PRKCQ: variants seen among roughly 807,000 people sequenced by gnomAD.
PRKCQ encodes the protein protein kinase C theta.
PRKCQ carries 41 observed loss-of-function variants against 91.2 expected under a neutral mutation model. The ratio of observed to expected loss-of-function variants is 0.45; its 90% CI spans 0.35 to 0.58. The LOEUF (loss-of-function observed/expected upper bound fraction) is 0.58, where lower values mean the gene tolerates loss of function less well. Among genes scored for constraint, PRKCQ ranks in the 20% least tolerant of loss-of-function variants. The pLI is 0.00. For synonymous variants in PRKCQ, 307 were observed against 316.9 expected, an observed-to-expected ratio of 0.97 and a Z score of 0.33; for missense variants, 673 against 896.5, an observed-to-expected ratio of 0.75 and a Z score of 3.18.
At chr10:6,486,507 G>A (rs1433394876) in intron 8 of PRKCQ, among the ~76,000 whole-genome samples, 1 of 152,212 alleles carries the variant, frequency 6.6e-6, no homozygotes, top group South Asian at 2.1e-4. Context: ...TAATTTGCAT[G>A]TAGTTAAAAG....
chr10:6,560,215 G>A (rs966826995), intron 1 of PRKCQ, among the ~76,000 whole-genome samples: 5 of 152,182 alleles, frequency 3.3e-5, no homozygotes, highest in Non-Finnish European at 7.4e-5. Flanking sequence ...AGCAGTGCTT[G>A]CATTTTTAAG....
chr10:6,487,360 A>G (rs1010871889), intron 8 of PRKCQ, among the ~76,000 whole-genome samples: 1 of 152,220 alleles, frequency 6.6e-6, no homozygotes, highest in Admixed American at 6.5e-5. Flanking sequence ...AAAAAGAAAG[A>G]GGAGAGGGAA....
At chr10:6,548,278 G>A (rs1287464385) in intron 1 of PRKCQ, among the ~76,000 whole-genome samples, 2 of 151,706 alleles carry the variant, frequency 1.3e-5, no homozygotes, top group African/African-American at 4.8e-5. Flanking sequence ...CTTTTACACT[G>A]TTGGTGGGAC....
chr10:6,472,220 A>G (rs963014894), intron 12 of PRKCQ, among the ~76,000 whole-genome samples: 1 of 152,076 alleles, frequency 6.6e-6, no homozygotes, highest in Non-Finnish European at 1.5e-5. Flanking sequence ...AGGCAGGAGA[A>G]TGGCGTGAAC....
chr10:6,428,014 A>G lies in PRKCQ; in HGVS notation c.*193T>C. 1.6e-6 allele frequency: 1 copy of G among 644,448 alleles called. No homozygotes were observed. Among genetic ancestry groups the G allele is most frequent in the Non-Finnish European group, 2.6e-6 (1 of 380,126 alleles). 39.9% of individuals were successfully genotyped at this position (644,448 alleles called of 1,614,324 possible). Reference sequence around the variant, plus strand: ...TGTGAGACATGTCAGGAGACGAGACACACGGCATCGTCATTAGTGAAGTAG... The same window carrying G: ...TGTGAGACATGTCAGGAGACGAGACGCACGGCATCGTCATTAGTGAAGTAG... On this transcript the variant is annotated 3_prime_UTR_variant, in exon 18 of 18. Transcript: ENST00000263125.
At chr10:6,487,694 C>T (rs1481625218) in intron 8 of PRKCQ, among the ~76,000 whole-genome samples, 1 of 152,096 alleles carries the variant, frequency 6.6e-6, no homozygotes, top group Non-Finnish European at 1.5e-5. Flanking sequence ...TCAAATTTTG[C>T]TAATGAAACA....
At chr10:6,464,722 A>G (rs960275199) in intron 12 of PRKCQ, among the ~76,000 whole-genome samples, 1 of 152,350 alleles carries the variant, frequency 6.6e-6, no homozygotes, top group East Asian at 1.9e-4. Context: ...TGCTGGGATT[A>G]CAGGCGTGAG....
chr10:6,521,922 G>GTTATGTTATTTAT (rs748814617), intron 1 of PRKCQ, among the ~76,000 whole-genome samples: 37 of 63,262 alleles, frequency 5.8e-4, no homozygotes, highest in African/African-American at 1.7e-3. Flanking sequence ...GTTATGTTAT[G>GTTATGTTATTTAT]TTATTTATTT....
intron 4 of PRKCQ, among the ~76,000 whole-genome samples, chr10:6,500,484 T>C (rs150606194): frequency 2.2e-4 from 33 of 151,556 alleles, no homozygotes; most frequent in African/African-American, 7.5e-4. Flanking sequence ...TATAGTTATA[T>C]ACACAATTTC....
chr10:6,523,718 C>G (rs570555542), intron 1 of PRKCQ, among the ~76,000 whole-genome samples: 1 of 152,314 alleles, frequency 6.6e-6, no homozygotes, highest in South Asian at 2.1e-4. Context: ...TATTAATCTT[C>G]TGACACAAAT....
At chr10:6,459,242 T>G (rs1835193187) in intron 14 of PRKCQ, among the ~76,000 whole-genome samples, 1 of 152,238 alleles carries the variant, frequency 6.6e-6, no homozygotes, top group Non-Finnish European at 1.5e-5. Flanking sequence ...CACTTTTAAT[T>G]GGAATAACAT....
intron 7 of PRKCQ, among the ~76,000 whole-genome samples, chr10:6,493,296 AT>A (rs5782903): frequency 0.65 from 98,184 of 152,094 alleles, 32,771 homozygotes; most frequent in African/African-American, 0.83. Context: ...AGATATCTGA[AT>A]TTTTCAAATG....
intron 8 of PRKCQ, among the ~76,000 whole-genome samples, chr10:6,486,643 C>T (rs1293419056): frequency 6.6e-6 from 1 of 152,258 alleles, no homozygotes; most frequent in Non-Finnish European, 1.5e-5. Context: ...GCCAATGAAG[C>T]TGTTTTCTTC....
Position 6,430,983 on chromosome 10 carries a change from C to T in PRKCQ, c.1837-45G>A. ...GAGCCCTGAGGTCTCCAGGGATGACCCTTTTGCATCAGGAGGTCGTGGTGC... is the reference window on the plus strand; with the variant it reads ...GAGCCCTGAGGTCTCCAGGGATGACTCTTTTGCATCAGGAGGTCGTGGTGC... On this transcript the variant is annotated intron_variant, in intron 16 of 17. Coordinates refer to ENST00000263125, the MANE Select transcript of PRKCQ (RefSeq NM_006257.5). This position sits in a 1 kb window ranked among gnomAD's most constrained non-coding sequence, Gnocchi z 4.7. The T allele has an allele frequency of 1.9e-6, 3 of 1,592,818 alleles. No homozygotes were observed. In the South Asian group the frequency reaches 3.4e-5, roughly 18 times the overall value.
chr10:6,402,433 C>G, the PRKCQ span, among the ~76,000 whole-genome samples: 1 of 150,646 alleles, frequency 6.6e-6, no homozygotes, highest in African/African-American at 2.5e-5. Flanking sequence ...TCCTCCCTCA[C>G]GCCTACCATG....
intron 1 of PRKCQ, among the ~76,000 whole-genome samples, chr10:6,523,548 C>T (rs1839094706): frequency 6.6e-6 from 1 of 152,104 alleles, no homozygotes; most frequent in South Asian, 2.1e-4. Context: ...AACAGTCAAC[C>T]CTCAGTCAGA....
chr10:6,459,032 G>A (rs1037138787), intron 14 of PRKCQ, among the ~76,000 whole-genome samples: 2 of 152,024 alleles, frequency 1.3e-5, no homozygotes, highest in Admixed American at 6.6e-5. Flanking sequence ...GCTTTTCATC[G>A]ACCAACAGCA....
chr10:6,459,271 A>C (rs1835194575), intron 14 of PRKCQ, among the ~76,000 whole-genome samples: 1 of 152,136 alleles, frequency 6.6e-6, no homozygotes, highest in Admixed American at 6.5e-5. Flanking sequence ...ACATTTTTTG[A>C]ATGTACAGCT....
At chr10:6,577,605 A>G (rs1018481491) in intron 1 of PRKCQ, among the ~76,000 whole-genome samples, 67 of 152,204 alleles carry the variant, frequency 4.4e-4, no homozygotes, top group Non-Finnish European at 1.5e-4. Flanking sequence ...TTATATAACA[A>G]TATATCATTT....
Sources: allele counts gnomAD v4.1 joint callset (sites outside exome capture counted in the v4.1 genomes callset), GRCh38; gene constraint gnomAD v4.1.1; non-coding constraint Gnocchi (gnomAD v3.1); transcripts MANE v1.5; gene names NCBI Gene and HGNC (gene_info 2026-07-23, HGNC 2026-07-21).